Variants in MXD1 observed in about 807,000 individuals in gnomAD.
MXD1 encodes MAX-binding protein.
In MXD1, 9 loss-of-function variants were observed where a neutral mutation model predicts 25.7. That is an observed-to-expected ratio of 0.35 (90% CI 0.21 to 0.61). The LOEUF is 0.61. Among genes scored for constraint, MXD1 ranks in the 20% least tolerant of loss-of-function variants. The pLI, the probability that MXD1 is intolerant of heterozygous loss-of-function variation, is 0.75. For synonymous variants in MXD1, 99 were observed against 113.9 expected, an observed-to-expected ratio of 0.87 and a Z score of 0.83; for missense variants, 227 against 292.4, an observed-to-expected ratio of 0.78 and a Z score of 1.63.
chr2:69,927,056 G>A (rs1210610569), intron 3 of MXD1, among the ~76,000 whole-genome samples: 1 of 152,192 alleles, frequency 6.6e-6, no homozygotes, highest in Non-Finnish European at 1.5e-5. Context: ...GGAAGACTCT[G>A]CAGCCCAATC....
At chr2:69,925,248 A>ATGTGTGTGTG (rs59577798) in intron 3 of MXD1, among the ~76,000 whole-genome samples, 1 of 149,588 alleles carries the variant, frequency 6.7e-6, no homozygotes, top group African/African-American at 2.5e-5. Flanking sequence ...AGGGTGGGGT[A>ATGTGTGTGTG]TGTGTGTGTG....
intron 3 of MXD1, among the ~76,000 whole-genome samples, chr2:69,926,658 C>T (rs962872638): frequency 2.8e-4 from 43 of 152,156 alleles, no homozygotes; most frequent in African/African-American, 9.7e-4. Context: ...CTATTGGTTT[C>T]CCATCTTAGT....
At chr2:69,934,998 T>C (rs1013636241) in intron 3 of MXD1, among the ~76,000 whole-genome samples, 2 of 152,234 alleles carry the variant, frequency 1.3e-5, no homozygotes, top group African/African-American at 2.4e-5. Flanking sequence ...CATTTAATAC[T>C]TCAATAAACT....
Position 69,915,496 on chromosome 2 carries a change from G to C in MXD1, c.73+93G>C. 2.7e-6 allele frequency: 3 copies of C among 1,093,462 alleles called. No individual in the cohort carries two copies. The highest frequency in any genetic ancestry group is 3.5e-6 in the Non-Finnish European group (3 of 845,704). The allele number at this position is 1,093,462 out of a possible 1,614,324, so 67.7% of individuals were successfully genotyped here. A position where few individuals can be genotyped will look rare whatever the true frequency, so the allele number is the denominator to read the frequency against. Reference sequence around the variant, plus strand: ...CGGGCGCCCAGCCGCTCCGGGGGTGGTTGGAGGCGGGGAGACCGCGAGCGC... The same window carrying C: ...CGGGCGCCCAGCCGCTCCGGGGGTGCTTGGAGGCGGGGAGACCGCGAGCGC... On this transcript the variant is annotated intron_variant, in intron 1 of 5. Transcript: ENST00000264444. This position sits in a 1 kb window ranked among gnomAD's most constrained non-coding sequence, Gnocchi z 5.8.
chr2:69,933,717 G>A (rs1048675551), intron 3 of MXD1, among the ~76,000 whole-genome samples: 1 of 152,188 alleles, frequency 6.6e-6, no homozygotes, highest in African/African-American at 2.4e-5. Flanking sequence ...TGGAGAGTGT[G>A]AATTGACTTC....
At chr2:69,937,187 T>C (rs1262023454) in intron 4 of MXD1, 48 bp from the exon 5 acceptor site, 2 of 1,609,048 alleles carry the variant, frequency 1.2e-6, no homozygotes, top group South Asian at 2.2e-5. Context: ...CCATTGCCCA[T>C]TTAGAGATCT....
intron 3 of MXD1, among the ~76,000 whole-genome samples, chr2:69,935,107 A>G (rs1170146074): frequency 6.6e-6 from 1 of 152,262 alleles, no homozygotes; most frequent in Non-Finnish European, 1.5e-5. Context: ...AATAGCAGAT[A>G]TTATTCCCTA....
intron 3 of MXD1, among the ~76,000 whole-genome samples, chr2:69,932,499 G>C (rs1275173811): frequency 6.6e-6 from 1 of 152,226 alleles, no homozygotes; most frequent in Non-Finnish European, 1.5e-5. Flanking sequence ...CACTGCCAAA[G>C]ACAGAGTTGG....
rs1482737698 is a variant in MXD1 at position 69,941,686 on chromosome 2, C to T, written c.*3402C>T. On this transcript the variant is annotated 3_prime_UTR_variant, in exon 6 of 6. Transcript: ENST00000264444. ...GGGCCTCTCTTCTGCATCCCCAAAG[C>T]GGCCAAGAGCAAATCCTGGGGGATA... 1.3e-5 allele frequency: 2 copies of T among 152,142 alleles called. No individual in the cohort carries two copies. The allele number at this position is 152,142 out of a possible 1,614,324, so 9.4% of individuals were successfully genotyped here.
intron 3 of MXD1, among the ~76,000 whole-genome samples, chr2:69,932,238 ATG>A (rs149739049): frequency 6.6e-6 from 1 of 151,688 alleles, no homozygotes; most frequent in Admixed American, 6.6e-5. Flanking sequence ...GTGTCTGTGT[ATG>A]TGTGTGTGTG....
chr2:69,930,448 C>T (rs899306225), intron 3 of MXD1, among the ~76,000 whole-genome samples: 1 of 152,182 alleles, frequency 6.6e-6, no homozygotes, highest in African/African-American at 2.4e-5. Context: ...GGAATCCTTT[C>T]TACCCCTGAC....
At chr2:69,925,767 C>A (rs538438870) in intron 3 of MXD1, among the ~76,000 whole-genome samples, 1 of 152,158 alleles carries the variant, frequency 6.6e-6, no homozygotes, top group Non-Finnish European at 1.5e-5. Context: ...GTAGAAAAAT[C>A]TCTGTCCAAC....
chr2:69,916,696 G>C (rs1442642841), intron 2 of MXD1, among the ~76,000 whole-genome samples: 2 of 152,186 alleles, frequency 1.3e-5, no homozygotes, highest in East Asian at 3.9e-4. Flanking sequence ...ATTAAATACA[G>C]TGGTTTGTTT....
chr2:69,937,904 A>G (rs1012516480), intron 5 of MXD1, among the ~76,000 whole-genome samples, 193 bp from the exon 6 acceptor site: 19 of 152,180 alleles, frequency 1.2e-4, no homozygotes, highest in East Asian at 3.9e-4. Flanking sequence ...GTGAGCCACC[A>G]CACCCAGCCA....
chr2:69,934,238 A>C (rs1386936094), intron 3 of MXD1, among the ~76,000 whole-genome samples: 3 of 152,224 alleles, frequency 2.0e-5, no homozygotes, highest in Non-Finnish European at 4.4e-5. Context: ...TGCTTAGAAA[A>C]TAGAGGAATC....
intron 2 of MXD1, among the ~76,000 whole-genome samples, chr2:69,919,465 C>A (rs1315860452): frequency 6.6e-6 from 1 of 152,174 alleles, no homozygotes; most frequent in Non-Finnish European, 1.5e-5. Flanking sequence ...CTGCCTCAGC[C>A]TCCCGAGTAG....
rs927907849 is a variant in MXD1 at position 69,938,485 on chromosome 2, A to G, written c.*201A>G. The G allele has an allele frequency of 3.5e-6, 2 of 570,804 alleles. No homozygotes were observed. Among genetic ancestry groups the G allele is most frequent in the Non-Finnish European group, 6.2e-6 (2 of 323,066 alleles). The allele number at this position is 570,804 out of a possible 1,614,324, so 35.4% of individuals were successfully genotyped here. On this transcript the variant is annotated 3_prime_UTR_variant, in exon 6 of 6. Coordinates refer to ENST00000264444, the MANE Select transcript of MXD1 (RefSeq NM_002357.4). ...TCCACTAGCTTCTCTTTTTCTCGCC[A>G]TAAAAATTTGTCTCTGAGAGACTAT...
In MXD1 at chr2:69,941,250, T is replaced by C. The variant is rs1258639087; in HGVS notation, c.*2966T>C. On this transcript the variant is annotated 3_prime_UTR_variant, in exon 6 of 6. Transcript: ENST00000264444. ...TTTAATTTCATGCAGTGGGAAAATA[T>C]ATATGTGTGCTTCTGTAACATCCTG... 6.6e-6 allele frequency: 1 copy of C among 152,206 alleles called. No individual in the cohort carries two copies. The highest frequency in any genetic ancestry group is 1.5e-5 in the Non-Finnish European group (1 of 68,038). The allele number at this position is 152,206 out of a possible 1,614,324, so 9.4% of individuals were successfully genotyped here. A position where few individuals can be genotyped will look rare whatever the true frequency, so the allele number is the denominator to read the frequency against.
At position 69,938,216 on chromosome 2, in the gene MXD1, G is replaced by A; in HGVS notation, c.598G>A (p.Gly200Ser). Residue 200 changes from glycine to serine, a missense_variant, in exon 6 of 6, where the codon GGC becomes AGC. Physicochemically the swap from Gly to Ser is moderately conservative, Grantham distance 56 (BLOSUM62 0). Transcript: ENST00000264444. ...GSMQSLGSDE[G>S]YSSTSIKRIK... ...CATGCAGAGCCTCGGCAGTGATGAGGGCTATTCCAGCACCAGCATCAAGAG... is the reference window on the plus strand; with the variant it reads ...CATGCAGAGCCTCGGCAGTGATGAGAGCTATTCCAGCACCAGCATCAAGAG... 1 of 1,614,204 alleles carries A rather than the reference G, an allele frequency of 6.2e-7. No homozygotes were observed. Among genetic ancestry groups the A allele is most frequent in the Non-Finnish European group, 8.5e-7 (1 of 1,180,042 alleles).
Sources: gnomAD v4.1 joint callset for allele counts (sites outside exome capture counted in the v4.1 genomes callset) on GRCh38, gnomAD v4.1.1 for gene constraint, Gnocchi (gnomAD v3.1) non-coding constraint, MANE v1.5 for transcripts, NCBI Gene and HGNC (gene_info 2026-07-23, HGNC 2026-07-21) for gene names.